WNT7A: variants seen among roughly 807,000 people sequenced by gnomAD.
WNT7A encodes the protein Wnt family member 7A.
A neutral mutation model predicts 28.2 loss-of-function variants in WNT7A; 16 were observed. The ratio of observed to expected loss-of-function variants is 0.57; its 90% CI spans 0.38 to 0.86. The LOEUF (loss-of-function observed/expected upper bound fraction) is 0.86. Ranked by LOEUF, WNT7A falls within the 40% of genes least tolerant of loss-of-function variation. The pLI is 0.00. For synonymous variants in WNT7A, 190 were observed against 195.9 expected, an observed-to-expected ratio of 0.97 and a Z score of 0.25; for missense variants, 411 against 489.7, an observed-to-expected ratio of 0.84 and a Z score of 1.52.
chr3:13,847,003 CT>C (rs1052029699), intron 3 of WNT7A, among the ~76,000 whole-genome samples: 4 of 152,208 alleles, frequency 2.6e-5, no homozygotes, highest in African/African-American at 9.6e-5. Context: ...AGGGCCGCCC[CT>C]GCCCCTACCC....
chr3:13,871,014 C>A (rs9837845), intron 2 of WNT7A, among the ~76,000 whole-genome samples: 4 of 152,300 alleles, frequency 2.6e-5, no homozygotes, highest in Non-Finnish European at 4.4e-5. Context: ...GCCAGGCATG[C>A]GATGAAGAAC....
chr3:13,844,229 C>A (rs1218016564), intron 3 of WNT7A, among the ~76,000 whole-genome samples: 2 of 152,184 alleles, frequency 1.3e-5, no homozygotes, highest in Non-Finnish European at 2.9e-5. Context: ...TCAAGCACAC[C>A]ACTGAACTGC....
chr3:13,879,026 G>A (rs1695161268), intron 1 of WNT7A, among the ~76,000 whole-genome samples: 1 of 152,170 alleles, frequency 6.6e-6, no homozygotes, highest in Admixed American at 6.5e-5. Context: ...GTTCCAGGGG[G>A]CGGGGTGTCC....
Position 13,854,759 on chromosome 3 carries a change from C to T in WNT7A, c.343G>A (p.Val115Met), listed in dbSNP as rs778514104. ...AFTYAIIAAG[V>M]AHAITAACTQ... ...CAGGCAGCTGTGATGGCGTGGGCCACGCCGGCGGCAATGATGGCGTAGGTG... is the reference window on the plus strand; with the variant it reads ...CAGGCAGCTGTGATGGCGTGGGCCATGCCGGCGGCAATGATGGCGTAGGTG... Residue 115 changes from valine to methionine, a missense_variant, in exon 3 of 4, where the codon GTG (valine) becomes ATG (methionine). Val to Met is a conservative substitution (Grantham distance 21). Transcript: ENST00000285018. 3.1e-6 allele frequency: 5 copies of T among 1,613,716 alleles called. No homozygotes were observed. Among genetic ancestry groups the T allele is most frequent in the Non-Finnish European group, 3.4e-6 (4 of 1,180,056 alleles).
chr3:13,853,033 A>T (rs1443946020), intron 3 of WNT7A, among the ~76,000 whole-genome samples: 1 of 151,814 alleles, frequency 6.6e-6, no homozygotes, highest in South Asian at 2.1e-4. Context: ...CCTGCACTCC[A>T]CTCATACCCA....
At position 13,818,962 on chromosome 3, in the gene WNT7A, C is replaced by G. The variant is rs897161195; in HGVS notation, c.1032G>C (p.Glu344Asp). ...VKCNTCSERT[E>D]MYTCK is the part of the protein sequence containing the mutation. ...ACGGGGCTCACTTGCACGTGTACAT[C>G]TCCGTGCGCTCGCTGCACGTGTTGC... Residue 344 changes from glutamate (E) to aspartate (D), a missense_variant, in exon 4 of 4, where the codon GAG becomes GAC. By Grantham distance (45) the Glu-to-Asp change is conservative. Transcript: ENST00000285018. 1 of 1,583,978 alleles carries G rather than the reference C, an allele frequency of 6.3e-7. No homozygotes were observed. The highest frequency in any genetic ancestry group is 1.3e-5 in the African/African-American group (1 of 74,706).
At chr3:13,862,252 C>T (rs758328304) in intron 2 of WNT7A, among the ~76,000 whole-genome samples, 5 of 152,214 alleles carry the variant, frequency 3.3e-5, no homozygotes, top group Non-Finnish European at 5.9e-5. Flanking sequence ...GCCCAGCTGA[C>T]GCCCTCTGTG....
At chr3:13,825,274 C>T (rs1343990038) in intron 3 of WNT7A, among the ~76,000 whole-genome samples, 1 of 152,200 alleles carries the variant, frequency 6.6e-6, no homozygotes, top group African/African-American at 2.4e-5. Context: ...ACAAAGCCTT[C>T]CCTGATTGTC....
At chr3:13,856,887 GAAGAAAAAGAAGAAGAAGAAGAA>G (rs1559303166) in intron 2 of WNT7A, among the ~76,000 whole-genome samples, 10 of 68,546 alleles carry the variant, frequency 1.5e-4, no homozygotes, top group Admixed American at 3.0e-4. Context: ...AGAGGAAGAA[GAAGAAAAAGAAGAAGAAGAAGAA>G]GAAGAAGAAG....
chr3:13,842,855 G>T (rs1463847721), intron 3 of WNT7A, among the ~76,000 whole-genome samples: 1 of 152,170 alleles, frequency 6.6e-6, no homozygotes, highest in African/African-American at 2.4e-5. Context: ...CGGGAGGCAG[G>T]TCTGGGCTGG....
At chr3:13,879,621 C>T in intron 1 of WNT7A, 125 bp downstream of exon 1, 1 of 1,090,714 alleles carries the variant, frequency 9.2e-7, no homozygotes, top group Non-Finnish European at 1.3e-6. Context: ...CCACACCGCA[C>T]CCACCCGGCC....
chr3:13,857,789 T>A (rs1694770855), intron 2 of WNT7A, among the ~76,000 whole-genome samples: 1 of 152,106 alleles, frequency 6.6e-6, no homozygotes, highest in Non-Finnish European at 1.5e-5. Flanking sequence ...GACAATCAGA[T>A]GGAGGGCAGG....
intron 3 of WNT7A, among the ~76,000 whole-genome samples, chr3:13,837,888 G>A (rs1694394559): frequency 6.6e-6 from 1 of 152,180 alleles, no homozygotes; most frequent in South Asian, 2.1e-4. Flanking sequence ...ATGAGGAGCA[G>A]CTCTGGCCTC....
At chr3:13,819,520 C>CT (rs1694079069) in intron 3 of WNT7A, 97 bp from the exon 4 acceptor site, 1 of 1,445,472 alleles carries the variant, frequency 6.9e-7, no homozygotes, top group East Asian at 2.5e-5. Context: ...CCTGCCCCAC[C>CT]TATCTGGGTC....
chr3:13,856,462 T>C (rs533833215), intron 2 of WNT7A, among the ~76,000 whole-genome samples: 2 of 152,318 alleles, frequency 1.3e-5, no homozygotes, highest in South Asian at 4.1e-4. Context: ...GGAAAGGGTA[T>C]TATTTTAGCA....
chr3:13,856,155 T>A (rs1318056790), intron 2 of WNT7A, among the ~76,000 whole-genome samples: 1 of 151,672 alleles, frequency 6.6e-6, no homozygotes, highest in Non-Finnish European at 1.5e-5. Flanking sequence ...TGCCGTGGCG[T>A]GCCATGCCAG....
chr3:13,839,977 A>T (rs1694430531), intron 3 of WNT7A, among the ~76,000 whole-genome samples: 1 of 152,160 alleles, frequency 6.6e-6, no homozygotes, highest in African/African-American at 2.4e-5. Context: ...CCCGGGTTCA[A>T]TGTCCTCCGC....
At position 13,819,198 on chromosome 3, in the gene WNT7A, T is replaced by C. The variant is rs939572381; in HGVS notation, c.796A>G (p.Thr266Ala). The C allele has an allele frequency of 6.2e-7, 1 of 1,614,236 alleles. No individual in the cohort carries two copies. Among genetic ancestry groups the C allele is most frequent in the Non-Finnish European group, 8.5e-7 (1 of 1,180,042 alleles). The change falls in exon 4 of 4, where the codon ACG becomes GCG. Residue 266 changes from threonine (T) to alanine (A), a missense_variant. Coordinates refer to ENST00000285018, the MANE Select transcript of WNT7A (RefSeq NM_004625.4). ...KPLSYRKPMD[T>A]DLVYIEKSPN... The stretch of plus-strand genomic sequence containing the variant: ...GACTTCTCGATGTACACCAGGTCCG[T>C]GTCCATGGGCTTGCGGTACGACAGT...
intron 1 of WNT7A, among the ~76,000 whole-genome samples, chr3:13,878,568 C>T (rs1338490185): frequency 6.6e-6 from 1 of 152,090 alleles, no homozygotes; most frequent in African/African-American, 2.4e-5. Context: ...CACCTGCTAG[C>T]GGCCGCGGCC....
Sources: gnomAD v4.1 joint callset for allele counts (sites outside exome capture counted in the v4.1 genomes callset) on GRCh38, gnomAD v4.1.1 for gene constraint, MANE v1.5 for transcripts, NCBI Gene and HGNC (gene_info 2026-07-23, HGNC 2026-07-21) for gene names.